Variants in NETO1 observed in about 807,000 individuals in gnomAD.
The protein encoded by NETO1 is neuropilin and tolloid-like protein 1.
Under a neutral mutation model 61.3 loss-of-function variants are expected in NETO1, and 26 were observed. The observed-to-expected ratio is 0.42, with a 90% CI of 0.31 to 0.59. NETO1 has a LOEUF of 0.59. NETO1 is among the 20% of genes least tolerant of loss of function. The pLI, the probability that NETO1 is intolerant of heterozygous loss-of-function variation, is 0.12. For missense variants in NETO1, 531 were observed against 662.8 expected (o/e 0.80, Z 2.18); for synonymous variants, 225 against 225.8 (o/e 1.00, Z 0.03).
Position 72,750,302 on chromosome 18 carries a change from C to T in NETO1, c.1301G>A (p.Gly434Glu). 1.2e-6 allele frequency: 2 copies of T among 1,614,056 alleles called. No homozygotes were observed. The highest frequency in any genetic ancestry group is 1.7e-6 in the Non-Finnish European group (2 of 1,179,980). ...GCCTTTAGTGCTGGACAGCTGTGAT[C>T]CACAGTGATGGTCATGAATGCATTT... Reference protein sequence around the residue: ...SSKCIHDHHCGSQLSSTKGSR... With the variant: ...SSKCIHDHHCESQLSSTKGSR... Residue 434 changes from glycine to glutamate, a missense_variant, in exon 9 of 11, where the codon GGA becomes GAA. Coordinates refer to ENST00000327305, the MANE Select transcript of NETO1 (RefSeq NM_138966.5).
intron 4 of NETO1, among the ~76,000 whole-genome samples, chr18:72,827,566 A>T (rs2086421141): frequency 6.6e-6 from 1 of 152,102 alleles, no homozygotes; most frequent in African/African-American, 2.4e-5. Context: ...AATACAAAAA[A>T]TGAGCTGGGC....
chr18:72,780,378 C>A (rs1455855924), intron 7 of NETO1, among the ~76,000 whole-genome samples: 1 of 152,124 alleles, frequency 6.6e-6, no homozygotes, highest in Non-Finnish European at 1.5e-5. Flanking sequence ...TAATCACATG[C>A]CTTGAAACTC....
At chr18:72,803,573 G>A (rs543185076) in intron 4 of NETO1, among the ~76,000 whole-genome samples, 7 of 152,210 alleles carry the variant, frequency 4.6e-5, no homozygotes, top group South Asian at 4.1e-4. Context: ...CTTTAATCCC[G>A]CACTCTGGGA....
chr18:72,793,960 A>G (rs929932224), intron 6 of NETO1, among the ~76,000 whole-genome samples, 157 bp downstream of exon 6: 2 of 152,214 alleles, frequency 1.3e-5, no homozygotes, highest in African/African-American at 4.8e-5. Context: ...ATTGGACAAG[A>G]GAAGACAAGT....
At chr18:72,865,164 T>C (rs2074697291) in intron 2 of NETO1, 24 bp downstream of exon 2, 1 of 1,604,976 alleles carries the variant, frequency 6.2e-7, no homozygotes, top group Non-Finnish European at 8.5e-7. Flanking sequence ...GGTCTTCCAC[T>C]AGCATTTTTC....
intron 7 of NETO1, among the ~76,000 whole-genome samples, chr18:72,777,599 A>C (rs188132836): frequency 0.025 from 3,723 of 150,390 alleles, 154 homozygotes; most frequent in African/African-American, 0.083. Flanking sequence ...AAAAATTAGC[A>C]GGGCGTGGTG....
intron 7 of NETO1, among the ~76,000 whole-genome samples, chr18:72,768,025 G>A (rs900948046): frequency 1.1e-4 from 16 of 152,156 alleles, no homozygotes; most frequent in African/African-American, 3.9e-4. Flanking sequence ...TAAAGTCCAG[G>A]CATCACACGT....
At chr18:72,788,773 C>T (rs2072009734) in intron 6 of NETO1, among the ~76,000 whole-genome samples, 1 of 151,948 alleles carries the variant, frequency 6.6e-6, no homozygotes. Flanking sequence ...GAAAGCAGAA[C>T]CCCTTTTTAT....
At chr18:72,758,648 C>A (rs183332807) in intron 7 of NETO1, among the ~76,000 whole-genome samples, 161 of 152,112 alleles carry the variant, frequency 1.1e-3, no homozygotes, top group African/African-American at 3.6e-3. Context: ...ACCAACCCGG[C>A]CAACATGGTG....
At chr18:72,833,560 C>G (rs1016997596) in intron 4 of NETO1, among the ~76,000 whole-genome samples, 1 of 152,048 alleles carries the variant, frequency 6.6e-6, no homozygotes. Flanking sequence ...ACTCCATTAC[C>G]GTCTCTCACT....
At chr18:72,851,603 G>GAA (rs1476573627) in intron 4 of NETO1, among the ~76,000 whole-genome samples, 1 of 152,100 alleles carries the variant, frequency 6.6e-6, no homozygotes, top group Admixed American at 6.5e-5. Flanking sequence ...ATGCACTTTA[G>GAA]GCTCAGATGG....
At chr18:72,782,975 A>G (rs1001897922) in intron 7 of NETO1, among the ~76,000 whole-genome samples, 1 of 152,154 alleles carries the variant, frequency 6.6e-6, no homozygotes, top group South Asian at 2.1e-4. Flanking sequence ...GTGTCTGTTC[A>G]TGTCACAAGG....
rs1170950337 is a variant in NETO1 at position 72,750,236 on chromosome 18, G to A, written c.1367C>T (p.Thr456Ile). ...TTTTCCTGGCTGTGTGGGCATCTCT[G>A]TCAAGATAGAAGCATCTCTTGTGCT... ...NLSTRDASIL[T>I]EMPTQPGKPL... The change falls in exon 9 of 11, where the codon ACA (threonine) becomes ATA (isoleucine). Residue 456 changes from threonine (T) to isoleucine (I), a missense_variant. Physicochemically the swap from Thr to Ile is moderately conservative, Grantham distance 89. Coordinates refer to ENST00000327305, the MANE Select transcript of NETO1 (RefSeq NM_138966.5). The A allele has an allele frequency of 1.2e-6, 2 of 1,614,120 alleles. No homozygotes were observed. The highest frequency in any genetic ancestry group is 3.3e-5 in the Admixed American group (2 of 60,006).
chr18:72,833,874 C>G (rs188990169), intron 4 of NETO1, among the ~76,000 whole-genome samples: 1 of 152,298 alleles, frequency 6.6e-6, no homozygotes, highest in Admixed American at 6.5e-5. Context: ...CATCCCCATA[C>G]AAAACATTAT....
intron 4 of NETO1, among the ~76,000 whole-genome samples, chr18:72,809,594 C>T (rs773639791): frequency 1.2e-4 from 19 of 152,180 alleles, no homozygotes; most frequent in Non-Finnish European, 2.6e-4. Context: ...TTTCGAACCT[C>T]TTCGATACAT....
intron 8 of NETO1, among the ~76,000 whole-genome samples, chr18:72,752,796 G>A (rs1425076336): frequency 6.6e-6 from 1 of 152,028 alleles, no homozygotes; most frequent in Non-Finnish European, 1.5e-5. Flanking sequence ...ATCAAATAGA[G>A]AATATTAATG....
chr18:72,833,635 C>G (rs2073650284), intron 4 of NETO1, among the ~76,000 whole-genome samples: 1 of 152,144 alleles, frequency 6.6e-6, no homozygotes, highest in South Asian at 2.1e-4. Context: ...ACAGGCCTGC[C>G]ACATTGCTCA....
chr18:72,799,005 A>G (rs1296407852), intron 4 of NETO1, among the ~76,000 whole-genome samples: 1 of 152,232 alleles, frequency 6.6e-6, no homozygotes, highest in Non-Finnish European at 1.5e-5. Flanking sequence ...AAACAAAAAC[A>G]TAATGAACAG....
intron 4 of NETO1, among the ~76,000 whole-genome samples, chr18:72,801,412 C>T (rs983846912): frequency 1.3e-5 from 2 of 152,154 alleles, no homozygotes; most frequent in East Asian, 1.9e-4. Flanking sequence ...TTTGCATTCT[C>T]ATTTTCTCAA....
Sources: gnomAD v4.1 joint callset for allele counts (sites outside exome capture counted in the v4.1 genomes callset) on GRCh38, gnomAD v4.1.1 for gene constraint, MANE v1.5 for transcripts, NCBI Gene and HGNC (gene_info 2026-07-23, HGNC 2026-07-21) for gene names.